Variants in SYTL5 observed in about 807,000 individuals in gnomAD.
The protein encoded by SYTL5 is synaptotagmin like 5, also known as synaptotagmin-like protein 5.
Under a neutral mutation model 55.9 loss-of-function variants are expected in SYTL5, and 34 were observed. That is an observed-to-expected ratio of 0.61 (90% CI 0.46 to 0.81). The LOEUF (loss-of-function observed/expected upper bound fraction) is 0.81, where lower values mean the gene tolerates loss of function less well. SYTL5 is among the 30% of genes least tolerant of loss of function. The probability of loss-of-function intolerance (pLI) is 0.00; values close to 1 mark genes in which losing one functional copy is unlikely to be tolerated. For missense variants in SYTL5, 637 were observed against 546.7 expected, an observed-to-expected ratio of 1.17 and a Z score of -1.65; for synonymous variants, 221 against 188.7, an observed-to-expected ratio of 1.17 and a Z score of -1.40.
intron 2 of SYTL5, among the ~76,000 whole-genome samples, chrX:38,044,009 A>G (rs1210253179): frequency 9.1e-6 from 1 of 110,329 alleles, no homozygotes; most frequent in African/African-American, 3.3e-5. Flanking sequence ...CGGCAATCTG[A>G]GAAAATTGAT....
At position 38,020,643 on chromosome X, in the gene SYTL5, G is replaced by T. The variant is rs187678647; in HGVS notation, c.-356-12891G>T. 9.7e-3 allele frequency among the ~76,000 whole-genome samples: 1,050 copies of T among 108,595 alleles called. 7 individuals carry two copies. The highest frequency in any genetic ancestry group is 0.038 in the Middle Eastern group (8 of 212). 94.3% of individuals were successfully genotyped at this position (108,595 alleles called of 115,157 possible). A position where few individuals can be genotyped will look rare whatever the true frequency, so the allele number is the denominator to read the frequency against. ...AAGATTTATAAATTCTTAATAGAAA[G>T]TCTAGGAAGCCAGAGACCTCTGGGT... On this transcript the variant is annotated intron_variant, in intron 1 of 16. Coordinates refer to ENST00000297875, the MANE Select transcript of SYTL5 (RefSeq NM_138780.3).
At chrX:37,994,597 G>A in the SYTL5 span, 1 of 113,634 alleles carries the variant, frequency 8.8e-6, no homozygotes, top group Non-Finnish European at 1.8e-5. Flanking sequence ...CACGTGAAGA[G>A]GGCACTGCAA....
At chrX:37,980,826 G>A in the SYTL5 span, among the ~76,000 whole-genome samples, 1 of 112,076 alleles carries the variant, frequency 8.9e-6, no homozygotes, top group South Asian at 3.7e-4. Context: ...ATATAGGATG[G>A]AATCTCTACC....
the SYTL5 span, among the ~76,000 whole-genome samples, chrX:37,913,905 A>G: frequency 8.9e-6 from 1 of 111,941 alleles, no homozygotes; most frequent in Non-Finnish European, 1.9e-5. Context: ...CAAACAAACT[A>G]CCTACATTGA....
rs751813741 is a variant in SYTL5 at position 38,081,733 on chromosome X, C to A, written c.689+5032C>A. On this transcript the variant is annotated intron_variant, in intron 6 of 16. Coordinates refer to ENST00000297875, the MANE Select transcript of SYTL5 (RefSeq NM_138780.3). ...TTCTAGAAAACCGTGCTGAATGTAC[C>A]TCAGAGTTATCCAGTTAAGAGATAG... is the stretch of plus-strand genomic sequence containing the variant. 2.7e-5 allele frequency among the ~76,000 whole-genome samples: 3 copies of A among 111,836 alleles called. No homozygotes were observed. In the South Asian group the frequency reaches 1.1e-3, roughly 43 times the overall value.
chrX:37,977,980 G>A, the SYTL5 span, among the ~76,000 whole-genome samples: 7 of 111,120 alleles, frequency 6.3e-5, no homozygotes, highest in Admixed American at 2.9e-4. Context: ...AGAAGAAAAC[G>A]GAGTGTGGCT....
At chrX:37,914,141 G>A in the SYTL5 span, among the ~76,000 whole-genome samples, 1 of 111,345 alleles carries the variant, frequency 9.0e-6, no homozygotes, top group Non-Finnish European at 1.9e-5. Context: ...GTACAAATTG[G>A]TACCATTCTG....
intron 2 of SYTL5, among the ~76,000 whole-genome samples, chrX:38,034,566 T>A (rs899488864): frequency 8.9e-6 from 1 of 112,251 alleles, no homozygotes; most frequent in Non-Finnish European, 1.9e-5. Flanking sequence ...GAGTAAAAAT[T>A]TCCCATCATA....
the SYTL5 span, among the ~76,000 whole-genome samples, chrX:37,969,795 G>A: frequency 1.2e-4 from 13 of 111,005 alleles, no homozygotes; most frequent in African/African-American, 1.6e-4. Flanking sequence ...CACTACAGCC[G>A]GCTAATTTTT....
In SYTL5 at chrX:38,110,378, T is replaced by C. The variant is rs1937330074; in HGVS notation, c.1492T>C (p.Tyr498His). The change falls in exon 13 of 17, where the codon TAT becomes CAT. Residue 498 changes from tyrosine to histidine, a missense_variant. Transcript: ENST00000297875. ...TRTLQLSVWH[Y>H]DRFGRNSFLG... Reference sequence around the variant, plus strand: ...AACTCTGCAGCTCTCAGTCTGGCACTATGATCGATTTGGACGTAATAGCTT... The same window carrying C: ...AACTCTGCAGCTCTCAGTCTGGCACCATGATCGATTTGGACGTAATAGCTT... The C allele has an allele frequency of 6.6e-6, 8 of 1,209,347 alleles. No homozygotes were observed. The highest frequency in any genetic ancestry group is 6.7e-6 in the Non-Finnish European group (6 of 893,908).
At chrX:38,120,224 A>G in intron 13 of SYTL5, 134 bp from the exon 14 acceptor site, 1 of 453,946 alleles carries the variant, frequency 2.2e-6, no homozygotes, top group Non-Finnish European at 3.8e-6. Context: ...TAAACCAGTG[A>G]GAGCGAACAG....
intron 13 of SYTL5, among the ~76,000 whole-genome samples, chrX:38,116,373 A>G (rs955820835): frequency 8.9e-6 from 1 of 112,222 alleles, no homozygotes; most frequent in Non-Finnish European, 1.9e-5. Flanking sequence ...TTTAACTTAA[A>G]CCAAATAAAT....
the SYTL5 span, among the ~76,000 whole-genome samples, chrX:37,929,095 T>A: frequency 8.9e-6 from 1 of 112,777 alleles, no homozygotes; most frequent in Admixed American, 9.4e-5. Flanking sequence ...CTCTTAGTTA[T>A]GCAGAGGCAA....
chrX:38,108,688 G>C lies in SYTL5; in HGVS notation c.1423G>C (p.Glu475Gln), dbSNP rs768865858. Residue 475 changes from glutamate (E) to glutamine (Q), a missense_variant, in exon 12 of 17, where the codon GAA becomes CAA. Physicochemically the swap from Glu to Gln is conservative, Grantham distance 29 (BLOSUM62 2). Transcript: ENST00000297875. ...IRTGTNPEFN[E>Q]TLKYTISHTQ... is the part of the protein sequence containing the mutation. ...AACAGGCACCAATCCAGAATTCAATGAAACACTAAAGGTAAATAAATACGG... is the reference window on the plus strand; with the variant it reads ...AACAGGCACCAATCCAGAATTCAATCAAACACTAAAGGTAAATAAATACGG... 44 of 1,182,946 alleles carry C rather than the reference G, an allele frequency of 3.7e-5. No homozygotes were observed. The highest frequency in any genetic ancestry group is 4.7e-5 in the Non-Finnish European group (41 of 875,547).
chrX:37,908,833 G>T, the SYTL5 span, among the ~76,000 whole-genome samples: 15 of 111,122 alleles, frequency 1.3e-4, no homozygotes, highest in African/African-American at 3.9e-4. Context: ...GTTGTCCTTT[G>T]AGTGGAGTGT....
intron 6 of SYTL5, among the ~76,000 whole-genome samples, chrX:38,082,275 A>C (rs1229560290): frequency 9.0e-6 from 1 of 111,232 alleles, no homozygotes; most frequent in Admixed American, 9.6e-5. Flanking sequence ...ACTAAATCTA[A>C]CACCTTCCCC....
intron 6 of SYTL5, among the ~76,000 whole-genome samples, chrX:38,087,619 T>A (rs1015586802): frequency 3.6e-5 from 4 of 112,085 alleles, no homozygotes; most frequent in African/African-American, 1.3e-4. Context: ...AGCCACCCTT[T>A]AGTAACCACT....
At chrX:38,123,226 G>A (rs1416457202) in intron 15 of SYTL5, among the ~76,000 whole-genome samples, 1 of 112,239 alleles carries the variant, frequency 8.9e-6, no homozygotes, top group Admixed American at 9.4e-5. Context: ...TGCAACCTCC[G>A]CTTCCCAGGT....
intron 2 of SYTL5, among the ~76,000 whole-genome samples, chrX:38,040,173 CA>C (rs61501646): frequency 0.28 from 23,186 of 83,064 alleles, 5,823 homozygotes; most frequent in African/African-American, 0.73. Context: ...GACTCCATCT[CA>C]AAAAAAAAAA....
Sources: allele counts gnomAD v4.1 joint callset (sites outside exome capture counted in the v4.1 genomes callset), GRCh38; gene constraint gnomAD v4.1.1; transcripts MANE v1.5; gene names NCBI Gene and HGNC (gene_info 2026-07-23, HGNC 2026-07-21).